The following GPC5 variants were observed in gnomAD, a reference collection of about 807,000 sequenced individuals.
GPC5 encodes glypican-5.
In GPC5, 47 loss-of-function variants were observed where a neutral mutation model predicts 53.9. The observed-to-expected ratio is 0.87, with a 90% CI of 0.69 to 1.11. The LOEUF is 1.11. Among genes scored for constraint, GPC5 ranks in the 50% most tolerant of loss-of-function variants. GPC5 has a pLI of 0.00. For missense variants in GPC5, 748 were observed against 713.1 expected (o/e 1.05, Z -0.56); for synonymous variants, 286 against 263.3 (o/e 1.09, Z -0.84).
At chr13:92,600,663 ATTTTTT>A (rs112159074) in intron 7 of GPC5, among the ~76,000 whole-genome samples, 2,383 of 139,248 alleles carry the variant, frequency 0.017, 78 homozygotes, top group African/African-American at 0.06. Flanking sequence ...ACACCCAGCT[ATTTTTT>A]TTTTTTTTTG....
intron 6 of GPC5, among the ~76,000 whole-genome samples, chr13:92,076,361 G>C (rs1360086623): frequency 6.6e-6 from 1 of 152,056 alleles, no homozygotes; most frequent in Non-Finnish European, 1.5e-5. Flanking sequence ...GTGAGCCACC[G>C]CGCCTGGCGA....
chr13:92,301,668 C>T (rs1321525547), intron 7 of GPC5, among the ~76,000 whole-genome samples: 1 of 151,996 alleles, frequency 6.6e-6, no homozygotes, highest in Non-Finnish European at 1.5e-5. Context: ...TTATGGATCA[C>T]ATAAGGCCAG....
At chr13:91,493,071 A>C (rs1884028994) in intron 2 of GPC5, among the ~76,000 whole-genome samples, 1 of 152,198 alleles carries the variant, frequency 6.6e-6, no homozygotes, top group African/African-American at 2.4e-5. Context: ...TCTATTGCTA[A>C]TTATTATCAT....
chr13:92,494,090 G>GTTT (rs1879873683), intron 7 of GPC5, among the ~76,000 whole-genome samples: 1 of 67,974 alleles, frequency 1.5e-5, no homozygotes, highest in African/African-American at 4.3e-5. Context: ...GTTTTGTTTT[G>GTTT]TTTTGTTTTG....
intron 5 of GPC5, among the ~76,000 whole-genome samples, chr13:91,859,991 T>A (rs2039008181): frequency 6.6e-6 from 1 of 152,138 alleles, no homozygotes; most frequent in Non-Finnish European, 1.5e-5. Flanking sequence ...ACACATAGTG[T>A]ATATATGTAA....
At chr13:92,793,289 G>T (rs1283578707) in intron 7 of GPC5, among the ~76,000 whole-genome samples, 1 of 151,958 alleles carries the variant, frequency 6.6e-6, no homozygotes, top group Non-Finnish European at 1.5e-5. Flanking sequence ...ATGACTACTG[G>T]GTACATAACG....
chr13:92,181,555 A>G (rs189966672), intron 7 of GPC5, among the ~76,000 whole-genome samples: 1 of 152,362 alleles, frequency 6.6e-6, no homozygotes, highest in East Asian at 1.9e-4. Flanking sequence ...AAGTTTTAAT[A>G]TTTTAAATGT....
chr13:92,302,833 G>C (rs1467167140), intron 7 of GPC5, among the ~76,000 whole-genome samples: 1 of 151,998 alleles, frequency 6.6e-6, no homozygotes, highest in Non-Finnish European at 1.5e-5. Flanking sequence ...TCTCAATCTC[G>C]TTTCTTTCAA....
intron 4 of GPC5, among the ~76,000 whole-genome samples, chr13:91,745,759 A>G (rs2037036489): frequency 6.6e-6 from 1 of 152,162 alleles, no homozygotes; most frequent in Non-Finnish European, 1.5e-5. Context: ...TTTTGAATCA[A>G]ATATGAATGT....
At chr13:92,600,571 C>G (rs1884016135) in intron 7 of GPC5, among the ~76,000 whole-genome samples, 1 of 151,886 alleles carries the variant, frequency 6.6e-6, no homozygotes, top group African/African-American at 2.4e-5. Context: ...GATCTCAGCT[C>G]ACTGCAACCA....
intron 4 of GPC5, among the ~76,000 whole-genome samples, chr13:91,746,350 C>T (rs916922015): frequency 3.9e-5 from 6 of 152,076 alleles, no homozygotes; most frequent in African/African-American, 1.4e-4. Flanking sequence ...AAAAAAAAAT[C>T]AATATATGTC....
chr13:92,577,289 C>G (rs569560266), intron 7 of GPC5, among the ~76,000 whole-genome samples: 1 of 152,252 alleles, frequency 6.6e-6, no homozygotes, highest in African/African-American at 2.4e-5. Flanking sequence ...TTACCCCAGT[C>G]GTCAATCTCG....
At chr13:91,921,993 C>T (rs1044114002) in intron 6 of GPC5, among the ~76,000 whole-genome samples, 2 of 151,688 alleles carry the variant, frequency 1.3e-5, no homozygotes, top group African/African-American at 4.8e-5. Context: ...GAAACCAAAA[C>T]AAAACTTTGC....
At chr13:91,885,713 C>A (rs990339433) in intron 5 of GPC5, among the ~76,000 whole-genome samples, 2 of 152,142 alleles carry the variant, frequency 1.3e-5, no homozygotes, top group Non-Finnish European at 2.9e-5. Flanking sequence ...CAAATCTGCC[C>A]TTACACTTTA....
At chr13:92,112,399 AC>A (rs1174378137) in intron 6 of GPC5, among the ~76,000 whole-genome samples, 1 of 152,202 alleles carries the variant, frequency 6.6e-6, no homozygotes, top group African/African-American at 2.4e-5. Context: ...GGTCAAAGAA[AC>A]AGAAAATCTA....
intron 7 of GPC5, among the ~76,000 whole-genome samples, chr13:92,823,722 C>T (rs1250997504): frequency 6.6e-6 from 1 of 152,054 alleles, no homozygotes; most frequent in East Asian, 1.9e-4. Flanking sequence ...CAGAACTCAA[C>T]ACTGAATTAT....
chr13:91,805,432 TA>T (rs1373730125), intron 5 of GPC5, among the ~76,000 whole-genome samples: 1 of 152,082 alleles, frequency 6.6e-6, no homozygotes, highest in Non-Finnish European at 1.5e-5. Context: ...ATTTTGCTGC[TA>T]TTAAGATACC....
intron 7 of GPC5, among the ~76,000 whole-genome samples, chr13:92,547,323 A>C (rs1882153148): frequency 6.6e-6 from 1 of 152,232 alleles, no homozygotes; most frequent in South Asian, 2.1e-4. Flanking sequence ...CTTTAGAGAA[A>C]AAATTAACTG....
At chr13:92,700,305 C>T (rs2139248303) in intron 7 of GPC5, among the ~76,000 whole-genome samples, 1 of 137,774 alleles carries the variant, frequency 7.3e-6, no homozygotes, top group Non-Finnish European at 1.5e-5. Flanking sequence ...AAATATTCCT[C>T]CATCCCTTTA....
Sources: allele counts gnomAD v4.1 joint callset (sites outside exome capture counted in the v4.1 genomes callset), GRCh38; gene constraint gnomAD v4.1.1; transcripts MANE v1.5; gene names NCBI Gene and HGNC (gene_info 2026-07-23, HGNC 2026-07-21).